Variants in SCAI observed in about 807,000 individuals in gnomAD.
SCAI encodes suppressor of cancer cell invasion, also known as protein SCAI.
SCAI carries 24 observed loss-of-function variants against 92.2 expected under a neutral mutation model. The observed-to-expected ratio is 0.26, with a 90% CI of 0.19 to 0.37. The LOEUF (loss-of-function observed/expected upper bound fraction) is 0.37, where lower values mean the gene tolerates loss of function less well. Among genes scored for constraint, SCAI ranks in the 10% least tolerant of loss-of-function variants. The probability of loss-of-function intolerance (pLI) is 1.00; values close to 1 mark genes in which losing one functional copy is unlikely to be tolerated. For missense variants in SCAI, 450 were observed against 736.2 expected (o/e 0.61, Z 4.50); for synonymous variants, 261 against 258.6 (o/e 1.01, Z -0.09).
At chr9:125,073,729 C>G (rs1564402315) in intron 2 of SCAI, among the ~76,000 whole-genome samples, 2 of 151,820 alleles carry the variant, frequency 1.3e-5, no homozygotes, top group Admixed American at 1.3e-4. Flanking sequence ...TCATGACCAG[C>G]CTGGTCAATG....
At chr9:125,036,544 ATAC>A (rs1361186221) in intron 3 of SCAI, among the ~76,000 whole-genome samples, 4 of 152,248 alleles carry the variant, frequency 2.6e-5, no homozygotes, top group Non-Finnish European at 4.4e-5. Flanking sequence ...GTTTTAGCCA[ATAC>A]TACTTCATAG....
chr9:125,052,348 A>G (rs1054286450), intron 3 of SCAI, among the ~76,000 whole-genome samples: 31 of 152,158 alleles, frequency 2.0e-4, no homozygotes, highest in African/African-American at 7.0e-4. Context: ...AGGCGGGTGG[A>G]TCACCTGAGG....
chr9:125,005,796 G>A lies in SCAI; in HGVS notation c.862-2226C>T, dbSNP rs1832493849. Among the ~76,000 whole-genome samples, 2 of 152,138 alleles carry A rather than the reference G, an allele frequency of 1.3e-5. 1 individual carries two copies. The highest frequency in any genetic ancestry group is 1.3e-4 in the Admixed American group (2 of 15,276). On this transcript the variant is annotated intron_variant, in intron 9 of 17. Coordinates refer to ENST00000336505, the MANE Select transcript of SCAI (RefSeq NM_001144877.3). ...CACCTATGCCCAAATAAAACTGGAT[G>A]CACAAAAAGATATGGCCTCAGAGGA...
intron 17 of SCAI, among the ~76,000 whole-genome samples, chr9:124,954,822 T>C (rs537707662): frequency 6.6e-6 from 1 of 151,968 alleles, no homozygotes; most frequent in Non-Finnish European, 1.5e-5. Context: ...TATCAAAAAA[T>C]TTGCTTATTC....
At chr9:125,102,603 C>CTT (rs71878415) in intron 2 of SCAI, among the ~76,000 whole-genome samples, 44 of 148,272 alleles carry the variant, frequency 3.0e-4, no homozygotes, top group Admixed American at 4.7e-4. Context: ...AACAAACCCA[C>CTT]TTTTTTTTTT....
At chr9:125,089,486 T>G (rs1834385698) in intron 2 of SCAI, among the ~76,000 whole-genome samples, 1 of 152,186 alleles carries the variant, frequency 6.6e-6, no homozygotes. Flanking sequence ...AAGGATATTA[T>G]CTAGTTTCTT....
intron 14 of SCAI, among the ~76,000 whole-genome samples, chr9:124,977,527 A>G (rs1390756688): frequency 6.6e-6 from 1 of 152,166 alleles, no homozygotes; most frequent in Admixed American, 6.5e-5. Flanking sequence ...TAGAAAAATT[A>G]GCCAAATGTG....
chr9:125,142,190 C>CG (rs1835682723), intron 2 of SCAI: 1 of 154,598 alleles, frequency 6.5e-6, no homozygotes. Flanking sequence ...TTTGTAGAGA[C>CG]GGAGTCTTGC....
chr9:125,042,634 T>TGTACACACAC (rs761672178), intron 3 of SCAI, among the ~76,000 whole-genome samples: 10 of 96,216 alleles, frequency 1.0e-4, no homozygotes, highest in African/African-American at 3.9e-4. Flanking sequence ...TGTGTGTGTG[T>TGTACACACAC]ACACACACAC....
At chr9:124,964,527 G>T (rs539516853) in intron 17 of SCAI, among the ~76,000 whole-genome samples, 1 of 152,232 alleles carries the variant, frequency 6.6e-6, no homozygotes, top group South Asian at 2.1e-4. Context: ...AGGCTTTCAT[G>T]ATGTTCTCTC....
At chr9:124,965,150 C>A (rs1588120366) in intron 17 of SCAI, among the ~76,000 whole-genome samples, 1 of 152,108 alleles carries the variant, frequency 6.6e-6, no homozygotes, top group Non-Finnish European at 1.5e-5. Context: ...GAATTTAATT[C>A]TCTAGCTGTA....
chr9:125,002,339 A>G (rs1832377794), intron 11 of SCAI, among the ~76,000 whole-genome samples: 1 of 152,162 alleles, frequency 6.6e-6, no homozygotes, highest in Non-Finnish European at 1.5e-5. Context: ...CTACATGGCT[A>G]CAAGACAAAG....
At chr9:124,982,219 G>C (rs1247462103) in intron 14 of SCAI, among the ~76,000 whole-genome samples, 1 of 152,110 alleles carries the variant, frequency 6.6e-6, no homozygotes, top group East Asian at 1.9e-4. Flanking sequence ...TGTGAGATCA[G>C]CATTCACAAC....
intron 9 of SCAI, among the ~76,000 whole-genome samples, chr9:125,012,876 C>G (rs1442334056): frequency 3.3e-5 from 5 of 151,982 alleles, no homozygotes; most frequent in Non-Finnish European, 7.4e-5. Flanking sequence ...TTAAGAAACT[C>G]ACTCAAAACC....
intron 2 of SCAI, among the ~76,000 whole-genome samples, chr9:125,099,683 G>A (rs1268308879): frequency 2.0e-5 from 3 of 152,172 alleles, no homozygotes; most frequent in African/African-American, 7.2e-5. Flanking sequence ...GACTTTGAGT[G>A]AGTAATGAAT....
intron 3 of SCAI, among the ~76,000 whole-genome samples, chr9:125,043,986 A>C (rs970345476): frequency 4.6e-5 from 7 of 152,026 alleles, no homozygotes; most frequent in African/African-American, 7.2e-5. Flanking sequence ...TCAGGGTCTT[A>C]AGAAGCTCCC....
At chr9:125,052,602 G>T (rs1009682853) in intron 3 of SCAI, among the ~76,000 whole-genome samples, 1 of 151,660 alleles carries the variant, frequency 6.6e-6, no homozygotes, top group South Asian at 2.1e-4. Context: ...CAGCCTGGGG[G>T]ACAAGAGCAA....
intron 2 of SCAI, among the ~76,000 whole-genome samples, chr9:125,101,543 G>A (rs1834678578): frequency 6.6e-6 from 1 of 152,150 alleles, no homozygotes. Flanking sequence ...AGACATGTCT[G>A]GGAGGTCTAT....
At chr9:125,081,389 T>C (rs185747321) in intron 2 of SCAI, among the ~76,000 whole-genome samples, 10 of 152,292 alleles carry the variant, frequency 6.6e-5, no homozygotes, top group Admixed American at 5.2e-4. Context: ...AAGGAACTTG[T>C]TAGGAACTGG....
Sources: gnomAD v4.1 joint callset for allele counts (sites outside exome capture counted in the v4.1 genomes callset) on GRCh38, gnomAD v4.1.1 for gene constraint, MANE v1.5 for transcripts, NCBI Gene and HGNC (gene_info 2026-07-23, HGNC 2026-07-21) for gene names.